Variants in ECE1 observed in about 807,000 individuals in gnomAD.
The protein encoded by ECE1 is endothelin-converting enzyme 1.
A neutral mutation model predicts 98.6 loss-of-function variants in ECE1; 35 were observed. The observed-to-expected ratio is 0.35, with a 90% CI of 0.27 to 0.47. ECE1 has a LOEUF of 0.47. ECE1 is among the 20% of genes least tolerant of loss of function. ECE1 has a pLI of 1.00. For synonymous variants in ECE1, 394 were observed against 407.1 expected, an observed-to-expected ratio of 0.97 and a Z score of 0.39; for missense variants, 814 against 1,025.3, an observed-to-expected ratio of 0.79 and a Z score of 2.81.
intron 2 of ECE1, among the ~76,000 whole-genome samples, chr1:21,286,213 G>C (rs2098260367): frequency 6.6e-6 from 1 of 152,134 alleles, no homozygotes; most frequent in South Asian, 2.1e-4. Flanking sequence ...ATCCCTTCCT[G>C]CCGCTGAAAA....
intron 17 of ECE1, among the ~76,000 whole-genome samples, chr1:21,224,990 G>A (rs2098171980): frequency 6.6e-6 from 1 of 152,202 alleles, no homozygotes; most frequent in Admixed American, 6.5e-5. Context: ...TCTTCAGGCG[G>A]ATGAAGCCCG....
chr1:21,245,097 G>C lies in ECE1; in HGVS notation c.1170C>G (p.Leu390=), dbSNP rs2098201544. 1 of 1,613,992 alleles carries C rather than the reference G, an allele frequency of 6.2e-7. No individual in the cohort carries two copies. The highest frequency in any genetic ancestry group is 8.5e-7 in the Non-Finnish European group (1 of 1,179,992). ...CCAGGTTCCAGATCATGTAGTTGTT[G>C]AGCAGGCTGCGGGGAGAGGAGGCCA... is the stretch of plus-strand genomic sequence containing the variant. The part of the protein sequence containing the change: ...TLINTTDRCL[L]NNYMIWNLVR... Residue 390 remains leucine (L), a synonymous_variant, in exon 10 of 19, where the codon CTC becomes CTG. Transcript: ENST00000374893.
rs186488040 is a variant in ECE1 at position 21,286,659 on chromosome 1, C to T, written c.138+3411G>A. Among the ~76,000 whole-genome samples the T allele has an allele frequency of 1.8e-3, 269 of 152,186 alleles. 1 individual carries two copies. Among genetic ancestry groups the T allele is most frequent in the Non-Finnish European group, 1.1e-3 (77 of 68,004 alleles). ...ATAAAGAAAAAGAACAGGTTAGGCACGGTGGCTGTAATCCCAGCCCTTTGG... is the reference window on the plus strand; with the variant it reads ...ATAAAGAAAAAGAACAGGTTAGGCATGGTGGCTGTAATCCCAGCCCTTTGG... On this transcript the variant is annotated intron_variant, in intron 2 of 18. Transcript: ENST00000374893.
intron 14 of ECE1, among the ~76,000 whole-genome samples, chr1:21,232,329 C>T (rs1319481440): frequency 1.3e-5 from 2 of 150,604 alleles, no homozygotes; most frequent in Non-Finnish European, 3.0e-5. Context: ...GGCAGGGTCT[C>T]GCTCTGTTGC....
In ECE1 at chr1:21,235,355, T is replaced by C. The variant is rs1370582947; in HGVS notation, c.1566+495A>G. Among the ~76,000 whole-genome samples, 2 of 152,146 alleles carry C rather than the reference T, an allele frequency of 1.3e-5. No homozygotes were observed. The highest frequency in any genetic ancestry group is 2.9e-5 in the Non-Finnish European group (2 of 68,024). ...TTAAGCTGCTTCTTTCCCATTAGCA[T>C]TTCAAAGTCAAAATCAGAGGTCCGG... On this transcript the variant is annotated intron_variant, in intron 13 of 18. Coordinates refer to ENST00000374893, the MANE Select transcript of ECE1 (RefSeq NM_001397.3). The surrounding 1 kb of genome is among the most constrained non-coding windows in gnomAD (Gnocchi z 4.2).
At chr1:21,344,414 G>T (rs1383176093) in intron 1 of ECE1, among the ~76,000 whole-genome samples, 2 of 152,228 alleles carry the variant, frequency 1.3e-5, no homozygotes, top group Non-Finnish European at 2.9e-5. Flanking sequence ...GCACAGAACA[G>T]AACTAGGAGA....
intron 7 of ECE1, among the ~76,000 whole-genome samples, chr1:21,256,493 T>C (rs1573974867): frequency 6.6e-6 from 1 of 151,680 alleles, no homozygotes; most frequent in African/African-American, 2.4e-5. Flanking sequence ...GAGGAGGAGG[T>C]TGCAGTGAGC....
chr1:21,326,547 G>A (rs1019213716), intron 1 of ECE1, among the ~76,000 whole-genome samples: 3 of 151,892 alleles, frequency 2.0e-5, no homozygotes, highest in African/African-American at 4.8e-5. Context: ...CCCAAAGAGA[G>A]ATCCAAATCT....
intron 2 of ECE1, among the ~76,000 whole-genome samples, chr1:21,289,441 A>C (rs946404093): frequency 1.3e-5 from 2 of 152,052 alleles, no homozygotes; most frequent in Non-Finnish European, 2.9e-5. Flanking sequence ...CCTCCCCAGG[A>C]GTGGGCAGAT....
intron 1 of ECE1, among the ~76,000 whole-genome samples, chr1:21,314,131 A>G (rs1280282583): frequency 2.0e-5 from 3 of 152,240 alleles, no homozygotes. Flanking sequence ...CACGTGAAAG[A>G]TGTGGAATAA....
intron 2 of ECE1, among the ~76,000 whole-genome samples, chr1:21,280,356 G>T (rs1163979933): frequency 1.3e-5 from 2 of 152,194 alleles, no homozygotes; most frequent in Admixed American, 6.5e-5. Context: ...CAGCAGGGAG[G>T]CAGATAAAGA....
At chr1:21,282,112 C>A (rs928726749) in intron 2 of ECE1, among the ~76,000 whole-genome samples, 10 of 151,988 alleles carry the variant, frequency 6.6e-5, no homozygotes, top group Non-Finnish European at 1.5e-4. Flanking sequence ...CACAGTCAGA[C>A]CCCATCTCTT....
intron 1 of ECE1, among the ~76,000 whole-genome samples, chr1:21,336,044 TG>T (rs1441697224): frequency 2.0e-5 from 3 of 152,196 alleles, no homozygotes; most frequent in African/African-American, 7.2e-5. Context: ...AGAGTGAATC[TG>T]GGGCATTAAG....
rs2098265265 is a variant in ECE1, at chr1:21,290,251, G to GCGCCC, written c.52-100_52-96dup. 3.0e-5 allele frequency: 41 copies of GCGCCC among 1,371,794 alleles called. 1 individual carries two copies. In the South Asian group the frequency reaches 6.4e-4, roughly 22 times the overall value. 85.0% of individuals were successfully genotyped at this position (1,371,794 alleles called of 1,614,324 possible). A position where few individuals can be genotyped will look rare whatever the true frequency, so the allele number is the denominator to read the frequency against. ...CCCCGACCCTGGCGCCGCCGCCGCCGCGCCCCGCCCCGGCCTGGACACCCG... is the reference window on the plus strand; with the variant it reads ...CCCCGACCCTGGCGCCGCCGCCGCCGCGCCCCGCCCCGCCCCGGCCTGGACACCCG... On this transcript the variant is annotated intron_variant, in intron 1 of 18. Transcript: ENST00000374893. This position sits in a 1 kb window ranked among gnomAD's most constrained non-coding sequence, Gnocchi z 7.3.
intron 1 of ECE1, among the ~76,000 whole-genome samples, chr1:21,344,655 T>C (rs1639463043): frequency 6.6e-6 from 1 of 151,892 alleles, no homozygotes; most frequent in Non-Finnish European, 1.5e-5. Flanking sequence ...CCCTCCCCAG[T>C]TCCCTTTCTC....
intron 14 of ECE1, among the ~76,000 whole-genome samples, chr1:21,230,455 T>C (rs1283483704): frequency 6.6e-6 from 1 of 152,186 alleles, no homozygotes; most frequent in Non-Finnish European, 1.5e-5. Flanking sequence ...TGGCGTGATC[T>C]TGGCTCACTG....
intron 2 of ECE1, among the ~76,000 whole-genome samples, chr1:21,281,246 C>T (rs907485642): frequency 6.6e-6 from 1 of 152,102 alleles, no homozygotes; most frequent in Admixed American, 6.6e-5. Flanking sequence ...GATCTTGGGG[C>T]TTAGAGACAC....
chr1:21,326,832 C>A (rs920556374), intron 1 of ECE1, among the ~76,000 whole-genome samples: 6 of 152,138 alleles, frequency 3.9e-5, no homozygotes, highest in African/African-American at 2.4e-5. Context: ...GGAGACCCCA[C>A]TGAGCACAGA....
intron 13 of ECE1, among the ~76,000 whole-genome samples, chr1:21,234,727 C>T (rs1403365655): frequency 6.6e-6 from 1 of 152,330 alleles, no homozygotes; most frequent in East Asian, 1.9e-4. Context: ...AATCCCCCCA[C>T]CTCAGCCACC....
Sources: gnomAD v4.1 joint callset for allele counts (sites outside exome capture counted in the v4.1 genomes callset) on GRCh38, gnomAD v4.1.1 for gene constraint, Gnocchi (gnomAD v3.1) non-coding constraint, MANE v1.5 for transcripts, NCBI Gene and HGNC (gene_info 2026-07-23, HGNC 2026-07-21) for gene names.